The following KIF16B variants were observed in gnomAD, a reference collection of about 807,000 sequenced individuals.
The protein encoded by KIF16B is kinesin-like protein KIF16B.
In KIF16B, 98 loss-of-function variants were observed where a neutral mutation model predicts 156.3. The observed-to-expected ratio is 0.63, with a 90% confidence interval of 0.53 to 0.74. The LOEUF (loss-of-function observed/expected upper bound fraction) is 0.74. KIF16B is among the 30% of genes least tolerant of loss of function. The probability of loss-of-function intolerance (pLI) is 0.00; values close to 1 mark genes in which losing one functional copy is unlikely to be tolerated. For missense variants in KIF16B, 1,421 were observed against 1,606.5 expected, an observed-to-expected ratio of 0.88 and a Z score of 1.97; for synonymous variants, 564 against 583.7, an observed-to-expected ratio of 0.97 and a Z score of 0.49.
rs11087165 is a variant in KIF16B at position 16,312,775 on chromosome 20, C to CTTT, written c.3712-360_3712-358dup. Among the ~76,000 whole-genome samples the CTTT allele has an allele frequency of 4.3e-3, 624 of 145,506 alleles. 7 individuals are homozygous for CTTT. Among genetic ancestry groups the CTTT allele is most frequent in the African/African-American group, 0.014 (540 of 39,814 alleles). ...TTGTTCTTCTTTCAGTCCTCCCACCCTTTTTTTTTTTTTACTAGAATCCAA... is the reference window on the plus strand; with the variant it reads ...TTGTTCTTCTTTCAGTCCTCCCACCCTTTTTTTTTTTTTTTTACTAGAATCCAA... On this transcript the variant is annotated intron_variant, in intron 24 of 25. Transcript: ENST00000354981.
At chr20:16,474,855 AG>A (rs2067766525) in intron 12 of KIF16B, among the ~76,000 whole-genome samples, 1 of 152,228 alleles carries the variant, frequency 6.6e-6, no homozygotes, top group Admixed American at 6.5e-5. Context: ...ATGTTTTCTC[AG>A]GTTGCTCTTG....
chr20:16,282,273 T>C (rs892377899), intron 25 of KIF16B, among the ~76,000 whole-genome samples: 2 of 152,008 alleles, frequency 1.3e-5, no homozygotes, highest in Admixed American at 6.5e-5. Context: ...CCTCAGCTGA[T>C]ATGCCCGCCT....
At chr20:16,474,613 G>A (rs1046034409) in intron 12 of KIF16B, among the ~76,000 whole-genome samples, 1 of 152,214 alleles carries the variant, frequency 6.6e-6, no homozygotes, top group Non-Finnish European at 1.5e-5. Context: ...TAAAAGAGGA[G>A]TAAACTCAAC....
intron 1 of KIF16B, among the ~76,000 whole-genome samples, chr20:16,558,643 C>T (rs941723972): frequency 6.6e-6 from 1 of 152,220 alleles, no homozygotes; most frequent in African/African-American, 2.4e-5. Flanking sequence ...TGGCTCACGC[C>T]TGTAATCCCA....
At chr20:16,478,277 C>T (rs6043996) in intron 12 of KIF16B, among the ~76,000 whole-genome samples, 57,539 of 151,924 alleles carry the variant, frequency 0.38, 12,618 homozygotes, top group African/African-American at 0.6. Flanking sequence ...TAGATACCCA[C>T]TAGAGTGCAT....
chr20:16,534,577 G>A lies in KIF16B; in HGVS notation c.48-6137C>T, dbSNP rs115750040. 6.2e-3 allele frequency among the ~76,000 whole-genome samples: 940 copies of A among 152,258 alleles called. 9 individuals carry two copies. The highest frequency in any genetic ancestry group is 0.022 in the African/African-American group (897 of 41,542). On this transcript the variant is annotated intron_variant, in intron 1 of 25. Transcript: ENST00000354981. ...GTGCTTCTGAAGTCTCATCCATAAA[G>A]TCTTTGTCCAGAACAATGTCCTGAA... is the stretch of plus-strand genomic sequence containing the variant.
intron 24 of KIF16B, among the ~76,000 whole-genome samples, chr20:16,333,288 A>G (rs757042134): frequency 3.9e-5 from 6 of 152,172 alleles, no homozygotes; most frequent in Non-Finnish European, 8.8e-5. Context: ...ACTCTTTCAG[A>G]AAGGTGTGCC....
intron 22 of KIF16B, among the ~76,000 whole-genome samples, chr20:16,365,138 G>A (rs902999223): frequency 3.3e-5 from 5 of 151,796 alleles, no homozygotes; most frequent in African/African-American, 9.7e-5. Flanking sequence ...CAAGACTACT[G>A]CAGTATAACT....
intron 25 of KIF16B, among the ~76,000 whole-genome samples, chr20:16,292,745 C>T (rs1003981003): frequency 4.6e-5 from 7 of 152,194 alleles, no homozygotes; most frequent in African/African-American, 9.7e-5. Context: ...ATTTTAAACA[C>T]GTCTTTTAGG....
At chr20:16,479,277 T>C (rs1458641512) in intron 12 of KIF16B, among the ~76,000 whole-genome samples, 1 of 152,162 alleles carries the variant, frequency 6.6e-6, no homozygotes, top group African/African-American at 2.4e-5. Flanking sequence ...ATACTGCATG[T>C]TCTCACTTAC....
intron 15 of KIF16B, among the ~76,000 whole-genome samples, chr20:16,423,237 AAAAAT>A (rs1310404128): frequency 6.6e-6 from 1 of 152,174 alleles, no homozygotes; most frequent in African/African-American, 2.4e-5. Context: ...AAAAATCCTG[AAAAAT>A]AAAATAATTA....
At chr20:16,401,844 A>C (rs1203431377) in intron 17 of KIF16B, among the ~76,000 whole-genome samples, 3 of 152,230 alleles carry the variant, frequency 2.0e-5, no homozygotes. Context: ...ACTTGGATTA[A>C]GGAAATAGCT....
At chr20:16,326,199 G>A (rs2063845348) in intron 24 of KIF16B, among the ~76,000 whole-genome samples, 2 of 151,700 alleles carry the variant, frequency 1.3e-5, no homozygotes, top group Admixed American at 1.3e-4. Context: ...AAAAATTCTA[G>A]AAGATAACAT....
rs191230493 is a variant in KIF16B at position 16,527,779 on chromosome 20, C to G, written c.117+592G>C. Among the ~76,000 whole-genome samples, 355 of 152,264 alleles carry G rather than the reference C, an allele frequency of 2.3e-3. 1 individual carries two copies. Among genetic ancestry groups the G allele is most frequent in the Admixed American group, 2.5e-3 (39 of 15,302 alleles). On this transcript the variant is annotated intron_variant, in intron 2 of 25. Coordinates refer to ENST00000354981, the MANE Select transcript of KIF16B (RefSeq NM_024704.5). ...ATATTAATTTTATACCCCCGTTACC[C>G]TCCTCAGCGAAAAGCATTCAGTGCC...
intron 24 of KIF16B, among the ~76,000 whole-genome samples, chr20:16,315,691 C>G (rs569757218): frequency 3.5e-4 from 53 of 152,264 alleles, no homozygotes; most frequent in African/African-American, 1.2e-3. Flanking sequence ...GGGGCTGGAG[C>G]TCCCCAGAAG....
At chr20:16,297,300 T>C (rs1049059288) in intron 25 of KIF16B, among the ~76,000 whole-genome samples, 4 of 152,334 alleles carry the variant, frequency 2.6e-5, no homozygotes, top group African/African-American at 9.6e-5. Flanking sequence ...CCACAATTTG[T>C]GAAGTGGTAA....
chr20:16,321,001 A>C (rs1365418912), intron 24 of KIF16B, among the ~76,000 whole-genome samples: 1 of 152,148 alleles, frequency 6.6e-6, no homozygotes, highest in Admixed American at 6.5e-5. Flanking sequence ...CTTCTGTTCA[A>C]GTAAAATTAA....
chr20:16,350,374 C>T (rs1000800199), intron 23 of KIF16B, among the ~76,000 whole-genome samples: 2 of 152,000 alleles, frequency 1.3e-5, no homozygotes, highest in Admixed American at 6.6e-5. Context: ...GGAGGGTGCC[C>T]GGCAGCCAGG....
intron 12 of KIF16B, among the ~76,000 whole-genome samples, chr20:16,467,256 A>T (rs1568567941): frequency 6.6e-6 from 1 of 152,130 alleles, no homozygotes; most frequent in Non-Finnish European, 1.5e-5. Context: ...AAGCTCACCA[A>T]AAGACTGAGA....
Sources: gnomAD v4.1 joint callset for allele counts (sites outside exome capture counted in the v4.1 genomes callset) on GRCh38, gnomAD v4.1.1 for gene constraint, MANE v1.5 for transcripts, NCBI Gene and HGNC (gene_info 2026-07-23, HGNC 2026-07-21) for gene names.